The following TEX15 variants were observed in gnomAD, a reference collection of about 807,000 sequenced individuals.
TEX15 encodes the protein testis-expressed protein 15.
In TEX15, 171 loss-of-function variants were observed where a neutral mutation model predicts 237.3. The ratio of observed to expected loss-of-function variants is 0.72; its 90% CI spans 0.64 to 0.82. TEX15 has a LOEUF of 0.82. Among genes scored for constraint, TEX15 ranks in the 40% least tolerant of loss-of-function variants. The pLI is 0.00. For synonymous variants in TEX15, 1,338 were observed against 1,269.8 expected (o/e 1.05, Z -1.14); for missense variants, 3,750 against 3,646.5 (o/e 1.03, Z -0.73).
intron 5 of TEX15, among the ~76,000 whole-genome samples, chr8:30,860,280 C>A (rs1171951362): frequency 6.6e-6 from 1 of 151,900 alleles, no homozygotes; most frequent in Non-Finnish European, 1.5e-5. Context: ...CACCACCGTG[C>A]CCAGCTAATT....
chr8:30,904,184 C>T (rs1289430758), intron 1 of TEX15, among the ~76,000 whole-genome samples: 1 of 152,150 alleles, frequency 6.6e-6, no homozygotes, highest in East Asian at 1.9e-4. Flanking sequence ...CAGTGGCTCA[C>T]GCCTGTAATC....
At chr8:30,856,583 T>G (rs1807918473) in intron 7 of TEX15, among the ~76,000 whole-genome samples, 1 of 151,908 alleles carries the variant, frequency 6.6e-6, no homozygotes, top group Admixed American at 6.6e-5. Context: ...TACCTTAAAT[T>G]TTAAAACTGT....
chr8:30,855,843 A>G (rs1807898129), intron 7 of TEX15, among the ~76,000 whole-genome samples: 1 of 152,172 alleles, frequency 6.6e-6, no homozygotes, highest in South Asian at 2.1e-4. Context: ...AAGTCCAAAA[A>G]CTATGATTTT....
At chr8:30,853,702 G>A (rs1175888581) in intron 7 of TEX15, among the ~76,000 whole-genome samples, 1 of 152,066 alleles carries the variant, frequency 6.6e-6, no homozygotes, top group African/African-American at 2.4e-5. Flanking sequence ...AGATACTGGA[G>A]GACTACTGTA....
intron 7 of TEX15, among the ~76,000 whole-genome samples, chr8:30,857,929 T>C (rs1024692192): frequency 1.3e-5 from 2 of 152,256 alleles, no homozygotes; most frequent in Admixed American, 6.5e-5. Flanking sequence ...TGTAATCTAA[T>C]GCAAACCACT....
chr8:30,833,385 AT>A, intron 10 of TEX15, 62 bp from the exon 11 acceptor site: 2 of 1,277,652 alleles, frequency 1.6e-6, no homozygotes, highest in Non-Finnish European at 1.1e-6. Context: ...ACATGATACT[AT>A]AGTGGAAAGA....
At chr8:30,889,763 AT>A (rs1222448126) in intron 2 of TEX15, among the ~76,000 whole-genome samples, 4 of 150,992 alleles carry the variant, frequency 2.6e-5, no homozygotes, top group Non-Finnish European at 5.9e-5. Context: ...ATAACTTCAT[AT>A]TTTTTTTGTT....
intron 9 of TEX15, 97 bp from the exon 10 acceptor site, chr8:30,838,158 A>G: frequency 9.0e-7 from 1 of 1,113,704 alleles, no homozygotes; most frequent in Non-Finnish European, 1.2e-6. Flanking sequence ...CCAGGGGAAG[A>G]GTTCTTAAGC....
At chr8:30,857,265 T>TA (rs1320801640) in intron 7 of TEX15, among the ~76,000 whole-genome samples, 1 of 152,088 alleles carries the variant, frequency 6.6e-6, no homozygotes, top group East Asian at 1.9e-4. Context: ...ACTGGGACTT[T>TA]AAAAGAATCC....
intron 6 of TEX15, among the ~76,000 whole-genome samples, chr8:30,859,400 T>C (rs977220389): frequency 1.4e-4 from 21 of 151,560 alleles, no homozygotes; most frequent in Non-Finnish European, 2.6e-4. Context: ...CAAAATAGCC[T>C]TGTTTTTTAA....
intron 7 of TEX15, among the ~76,000 whole-genome samples, chr8:30,858,237 T>G (rs939828191): frequency 6.6e-6 from 1 of 151,912 alleles, no homozygotes; most frequent in Admixed American, 6.6e-5. Context: ...TGCAGTATGA[T>G]TCTAGATCTA....
At chr8:30,909,253 A>G (rs1317145853) in intron 1 of TEX15, among the ~76,000 whole-genome samples, 1 of 152,154 alleles carries the variant, frequency 6.6e-6, no homozygotes, top group Non-Finnish European at 1.5e-5. Context: ...TGTTTTGTAT[A>G]CCTAGGGTCT....
At position 30,867,510 on chromosome 8, in the gene TEX15, AAAAC is replaced by A. The variant is rs755052703; in HGVS notation, c.303-12_303-9del. On this transcript the variant is annotated splice_polypyrimidine_tract_variant and intron_variant, in intron 4 of 10. Coordinates refer to ENST00000643185, the MANE Select transcript of TEX15 (RefSeq NM_001350162.2). ...CTTTCACGCATCTCTGACCTAAAGT[AAAAC>A]AAACAATGTATACAGTTAAAGATAA... The A allele has an allele frequency of 1.1e-4, 165 of 1,479,052 alleles. No individual in the cohort carries two copies. Among genetic ancestry groups the A allele is most frequent in the African/African-American group, 1.8e-4 (13 of 71,968 alleles). 91.6% of individuals were successfully genotyped at this position (1,479,052 alleles called of 1,614,324 possible).
In TEX15 at chr8:30,842,995, G is replaced by T; in HGVS notation, c.7172C>A (p.Thr2391Asn). 3 of 1,613,248 alleles carry T rather than the reference G, an allele frequency of 1.9e-6. No individual in the cohort carries two copies. Among genetic ancestry groups the T allele is most frequent in the Non-Finnish European group, 2.5e-6 (3 of 1,179,670 alleles). ...TTCTAAGTGATCTGTACATCTCAAG[G>T]TGAGATCCTGTAATTTTTTAAGGTC... ...FADLKKLQDL[T>N]LRCTDHLEIL... The change falls in exon 8 of 11, where the codon ACC becomes AAC. Residue 2391 changes from threonine (T) to asparagine (N), a missense_variant. By Grantham distance (65) the Thr-to-Asn change is moderately conservative. Transcript: ENST00000643185.
chr8:30,883,893 A>G (rs1351761485), intron 3 of TEX15, among the ~76,000 whole-genome samples: 2 of 152,150 alleles, frequency 1.3e-5, no homozygotes, highest in East Asian at 1.9e-4. Flanking sequence ...GTCAAATGGT[A>G]TTTCTGGTTC....
chr8:30,852,850 A>G (rs192172494), intron 7 of TEX15, among the ~76,000 whole-genome samples: 1 of 152,366 alleles, frequency 6.6e-6, no homozygotes, highest in African/African-American at 2.4e-5. Flanking sequence ...TGGAAATGTT[A>G]TCTGTGGTAG....
At chr8:30,872,222 G>C (rs1808305608) in intron 4 of TEX15, among the ~76,000 whole-genome samples, 1 of 152,078 alleles carries the variant, frequency 6.6e-6, no homozygotes, top group East Asian at 1.9e-4. Flanking sequence ...ACAGTCATGT[G>C]CCATAGTAGA....
Position 30,831,720 on chromosome 8 carries a change from T to C in TEX15, c.*1566A>G. 1 of 152,196 alleles carries C rather than the reference T, an allele frequency of 6.6e-6. No individual in the cohort carries two copies. Among genetic ancestry groups the C allele is most frequent in the Non-Finnish European group, 1.5e-5 (1 of 68,032 alleles). 9.4% of individuals were successfully genotyped at this position (152,196 alleles called of 1,614,324 possible). A position where few individuals can be genotyped will look rare whatever the true frequency, so the allele number is the denominator to read the frequency against. On this transcript the variant is annotated 3_prime_UTR_variant, in exon 11 of 11. Coordinates refer to ENST00000643185, the MANE Select transcript of TEX15 (RefSeq NM_001350162.2). ...AAAGAAACAATCCTTAACTAGAATATTTAACTTTTGGTTTACATATTAGTA... is the reference window on the plus strand; with the variant it reads ...AAAGAAACAATCCTTAACTAGAATACTTAACTTTTGGTTTACATATTAGTA...
rs545155320 is a variant in TEX15, at chr8:30,832,648, G to T, written c.*638C>A. 1 of 152,188 alleles carries T rather than the reference G, an allele frequency of 6.6e-6. No individual in the cohort carries two copies. Among genetic ancestry groups the T allele is most frequent in the South Asian group, 2.1e-4 (1 of 4,820 alleles). The allele number at this position is 152,188 out of a possible 1,614,324, so 9.4% of individuals were successfully genotyped here. On this transcript the variant is annotated 3_prime_UTR_variant, in exon 11 of 11. Coordinates refer to ENST00000643185, the MANE Select transcript of TEX15 (RefSeq NM_001350162.2). ...AATCATTAAAATAACTATTTAAATT[G>T]TGAAATCCAAAAACAAAATAATCTT...
Sources: gnomAD v4.1 joint callset for allele counts (sites outside exome capture counted in the v4.1 genomes callset) on GRCh38, gnomAD v4.1.1 for gene constraint, MANE v1.5 for transcripts, NCBI Gene and HGNC (gene_info 2026-07-23, HGNC 2026-07-21) for gene names.